The following WASL variants were observed in gnomAD, a reference collection of about 807,000 sequenced individuals.
The protein encoded by WASL is WASP like actin nucleation promoting factor, also known as actin nucleation-promoting factor WASL.
WASL carries 20 observed loss-of-function variants against 55.5 expected under a neutral mutation model. That is an observed-to-expected ratio of 0.36 (90% CI 0.25 to 0.52). The LOEUF is 0.52. Among genes scored for constraint, WASL ranks in the 20% least tolerant of loss-of-function variants. The pLI is 0.92. For missense variants in WASL, 504 were observed against 622.5 expected, an observed-to-expected ratio of 0.81 and a Z score of 2.03; for synonymous variants, 249 against 217.6, an observed-to-expected ratio of 1.14 and a Z score of -1.27.
intron 5 of WASL, among the ~76,000 whole-genome samples, chr7:123,696,996 A>C (rs1803503928): frequency 6.6e-6 from 1 of 152,138 alleles, no homozygotes; most frequent in Non-Finnish European, 1.5e-5. Flanking sequence ...TTCATAAAGA[A>C]TATGAACTTC....
Position 123,748,666 on chromosome 7 carries a change from G to A in WASL, c.69C>T (p.Thr23=), listed in dbSNP as rs761908135. ...TGAAGAGGGACTCGTTCTCCTGCGG[G>A]GTGAGCAACAGGGACCCCACGTTGG... ...RVTNVGSLLL[T]PQENESLFTF... The change falls in exon 1 of 11, where the codon ACC becomes ACT. Residue 23 remains threonine, a synonymous_variant. Transcript: ENST00000223023. 45 of 1,613,048 alleles carry A rather than the reference G, an allele frequency of 2.8e-5. 1 individual carries two copies. The highest frequency in any genetic ancestry group is 3.6e-5 in the Non-Finnish European group (43 of 1,179,558).
intron 10 of WASL, among the ~76,000 whole-genome samples, chr7:123,685,490 A>T (rs1485205846): frequency 6.6e-6 from 1 of 152,062 alleles, no homozygotes. Flanking sequence ...AACCATTCAT[A>T]AACTACTTCC....
intron 5 of WASL, among the ~76,000 whole-genome samples, 191 bp from the exon 6 acceptor site, chr7:123,696,938 T>C (rs141646310): frequency 6.6e-6 from 1 of 151,870 alleles, no homozygotes; most frequent in Non-Finnish European, 1.5e-5. Flanking sequence ...TTGAAATGAG[T>C]GTAGATGCAC....
At chr7:123,710,665 A>G (rs1803739925) in intron 1 of WASL, among the ~76,000 whole-genome samples, 1 of 152,192 alleles carries the variant, frequency 6.6e-6, no homozygotes, top group African/African-American at 2.4e-5. Context: ...AACTTCACAT[A>G]CAGTACTGAG....
chr7:123,737,643 C>T (rs1048802021), intron 1 of WASL, among the ~76,000 whole-genome samples: 3 of 142,934 alleles, frequency 2.1e-5, no homozygotes, highest in Non-Finnish European at 4.6e-5. Context: ...AAATAAATTG[C>T]TCAATAAATG....
chr7:123,707,624 A>G (rs936405402), intron 2 of WASL, among the ~76,000 whole-genome samples: 116 of 152,362 alleles, frequency 7.6e-4, no homozygotes, highest in African/African-American at 2.8e-3. Context: ...AAAAATATGT[A>G]AAATACACTG....
At chr7:123,703,451 T>C (rs932850299) in intron 5 of WASL, among the ~76,000 whole-genome samples, 3 of 152,190 alleles carry the variant, frequency 2.0e-5, no homozygotes, top group Non-Finnish European at 4.4e-5. Context: ...GAATAACTAA[T>C]ATTTATTAAG....
At chr7:123,708,074 T>C (rs1037314906) in intron 2 of WASL, among the ~76,000 whole-genome samples, 1 of 152,036 alleles carries the variant, frequency 6.6e-6, no homozygotes, top group African/African-American at 2.4e-5. Context: ...TAGTCACAGC[T>C]ACTCAGAAGG....
chr7:123,692,411 G>A lies in WASL; in HGVS notation c.1283C>T (p.Pro428Leu), dbSNP rs1803424814. 6.2e-7 allele frequency: 1 copy of A among 1,613,810 alleles called. No homozygotes were observed. The highest frequency in any genetic ancestry group is 8.5e-7 in the Non-Finnish European group (1 of 1,179,998). The change falls in exon 9 of 11, where the codon CCA becomes CTA. Residue 428 changes from proline to leucine, a missense_variant. By Grantham distance (98) the Pro-to-Leu change is moderately conservative. Around this residue, in one of 5 missense-constraint regions of WASL, gnomAD observed 201 missense variants for 206.2 expected, o/e 0.97. Coordinates refer to ENST00000223023, the MANE Select transcript of WASL (RefSeq NM_003941.4). ...QLKKVEQNSR[P>L]VSCSGRDALL... ...TGCATCTCGTCCAGAGCAGGACACT[G>A]GCCGACTGTTCTGCTCCACTTTTTT... is the stretch of plus-strand genomic sequence containing the variant.
In WASL at chr7:123,689,725, A is replaced by C. The variant is rs140220225; in HGVS notation, c.1348-575T>G. Among the ~76,000 whole-genome samples the C allele has an allele frequency of 6.1e-4, 93 of 152,198 alleles. 1 individual carries two copies. Among genetic ancestry groups the C allele is most frequent in the African/African-American group, 2.1e-3 (88 of 41,530 alleles). On this transcript the variant is annotated intron_variant, in intron 9 of 10. Coordinates refer to ENST00000223023, the MANE Select transcript of WASL (RefSeq NM_003941.4). ...TCAACTTTCAAAATGTACCTGCCTCACTAGGCAAGTAACAATCCCTAACTG... is the reference window on the plus strand; with the variant it reads ...TCAACTTTCAAAATGTACCTGCCTCCCTAGGCAAGTAACAATCCCTAACTG...
At chr7:123,696,213 T>C (rs942774341) in intron 6 of WASL, among the ~76,000 whole-genome samples, 3 of 152,068 alleles carry the variant, frequency 2.0e-5, no homozygotes, top group African/African-American at 2.4e-5. Flanking sequence ...GCTTGAAATA[T>C]GTTAAATACC....
rs566975800 is a variant in WASL at position 123,711,486 on chromosome 7, T to A, written c.118-2263A>T. On this transcript the variant is annotated intron_variant, in intron 1 of 10. Coordinates refer to ENST00000223023, the MANE Select transcript of WASL (RefSeq NM_003941.4). ...TTCAAAAAATTTGCTACACTCTTAT[T>A]ATCAGTCTAAGTGTCTATTTCATTA... 2.6e-5 allele frequency among the ~76,000 whole-genome samples: 4 copies of A among 152,316 alleles called. No individual in the cohort carries two copies. In the South Asian group the frequency reaches 8.3e-4, roughly 32 times the overall value.
chr7:123,713,243 G>C (rs374628995), intron 1 of WASL, among the ~76,000 whole-genome samples: 1 of 152,224 alleles, frequency 6.6e-6, no homozygotes, highest in East Asian at 1.9e-4. Context: ...CAAGCCCCTA[G>C]GTTCAAGTGA....
chr7:123,704,791 G>C, intron 4 of WASL, 134 bp from the exon 5 acceptor site: 2 of 494,726 alleles, frequency 4.0e-6, no homozygotes, highest in Middle Eastern at 3.1e-4. Flanking sequence ...CAGAAGACCC[G>C]ACATTTAAGT....
At chr7:123,746,542 C>G (rs957052306) in intron 1 of WASL, among the ~76,000 whole-genome samples, 1 of 152,212 alleles carries the variant, frequency 6.6e-6, no homozygotes, top group African/African-American at 2.4e-5. Flanking sequence ...TTACTTCACT[C>G]TCTATTAACT....
At chr7:123,689,782 T>TG (rs1562956795) in intron 9 of WASL, among the ~76,000 whole-genome samples, 2 of 115,494 alleles carry the variant, frequency 1.7e-5, no homozygotes, top group East Asian at 2.9e-4. Flanking sequence ...AGTGCATTCA[T>TG]GAAAAAAAAA....
chr7:123,700,976 T>C (rs1803579984), intron 5 of WASL, among the ~76,000 whole-genome samples: 1 of 152,220 alleles, frequency 6.6e-6, no homozygotes, highest in Non-Finnish European at 1.5e-5. Context: ...ACAATGGTTA[T>C]TTACTTTAGA....
At chr7:123,703,052 A>C (rs1174283382) in intron 5 of WASL, among the ~76,000 whole-genome samples, 2 of 152,222 alleles carry the variant, frequency 1.3e-5, no homozygotes, top group East Asian at 3.8e-4. Context: ...CTAGGCTTAT[A>C]TCAAGGAAAA....
At chr7:123,741,696 A>G (rs1156626100) in intron 1 of WASL, among the ~76,000 whole-genome samples, 1 of 152,188 alleles carries the variant, frequency 6.6e-6, no homozygotes, top group African/African-American at 2.4e-5. Context: ...AAAGTGAAAT[A>G]CATGAGATTA....
Sources: gnomAD v4.1 joint callset for allele counts (sites outside exome capture counted in the v4.1 genomes callset) on GRCh38, gnomAD v4.1.1 for gene constraint, gnomAD v4.1.1 regional missense constraint, MANE v1.5 for transcripts, NCBI Gene and HGNC (gene_info 2026-07-23, HGNC 2026-07-21) for gene names.